CDH18: variants seen among roughly 807,000 people sequenced by gnomAD.
CDH18 encodes cadherin 18, also known as cadherin-18.
Under a neutral mutation model 67.9 loss-of-function variants are expected in CDH18, and 31 were observed. The ratio of observed to expected loss-of-function variants is 0.46; its 90% CI spans 0.34 to 0.62. The LOEUF is 0.62. CDH18 is among the 20% of genes least tolerant of loss of function. CDH18 has a pLI of 0.01. For synonymous variants in CDH18, 362 were observed against 347.2 expected, an observed-to-expected ratio of 1.04 and a Z score of -0.48; for missense variants, 890 against 975.5, an observed-to-expected ratio of 0.91 and a Z score of 1.17.
chr5:20,040,024 C>A (rs1349724066), intron 2 of CDH18, among the ~76,000 whole-genome samples: 2 of 151,924 alleles, frequency 1.3e-5, no homozygotes, highest in Non-Finnish European at 2.9e-5. Context: ...ACAAATCCAT[C>A]AAAAAGTGGG....
At chr5:20,569,160 C>T (rs1240502244) in intron 1 of CDH18, among the ~76,000 whole-genome samples, 1 of 152,134 alleles carries the variant, frequency 6.6e-6, no homozygotes, top group African/African-American at 2.4e-5. Context: ...ACATACCCAC[C>T]TTCATATAAT....
intron 1 of CDH18, among the ~76,000 whole-genome samples, chr5:20,569,491 A>C (rs990021699): frequency 6.6e-6 from 1 of 151,976 alleles, no homozygotes; most frequent in African/African-American, 2.4e-5. Context: ...GCGTGGTGTC[A>C]TCCCAGCTCC....
intron 5 of CDH18, among the ~76,000 whole-genome samples, chr5:19,701,546 T>G (rs1763248085): frequency 6.6e-6 from 1 of 152,134 alleles, no homozygotes; most frequent in South Asian, 2.1e-4. Flanking sequence ...TAGATCACAA[T>G]TATCTCCCAT....
At chr5:19,635,749 A>AGTTACAAACT (rs1350221852) in intron 5 of CDH18, among the ~76,000 whole-genome samples, 33 of 152,168 alleles carry the variant, frequency 2.2e-4, no homozygotes, top group African/African-American at 6.3e-4. Context: ...TACTTTCTTT[A>AGTTACAAACT]GTTACAAACT....
intron 4 of CDH18, among the ~76,000 whole-genome samples, chr5:19,741,672 T>C (rs1485812675): frequency 6.6e-6 from 1 of 152,158 alleles, no homozygotes; most frequent in Non-Finnish European, 1.5e-5. Context: ...TGAAAGTCTC[T>C]CTGGACAGGA....
At chr5:20,414,045 T>C (rs1747051778) in intron 1 of CDH18, among the ~76,000 whole-genome samples, 1 of 152,150 alleles carries the variant, frequency 6.6e-6, no homozygotes, top group African/African-American at 2.4e-5. Flanking sequence ...AAAAACAACA[T>C]ATGTTGGCAA....
At chr5:20,424,099 C>T (rs895139063) in intron 1 of CDH18, among the ~76,000 whole-genome samples, 1 of 149,716 alleles carries the variant, frequency 6.7e-6, no homozygotes, top group African/African-American at 2.5e-5. Flanking sequence ...AGACGATCAA[C>T]CCAGAAGGAC....
chr5:20,539,757 A>AC, intron 1 of CDH18, among the ~76,000 whole-genome samples: 1 of 51,338 alleles, frequency 1.9e-5, no homozygotes, highest in Non-Finnish European at 5.5e-5. Flanking sequence ...CACACACACA[A>AC]ACACACACAC....
At chr5:20,566,360 C>A (rs866861609) in intron 1 of CDH18, among the ~76,000 whole-genome samples, 1 of 119,268 alleles carries the variant, frequency 8.4e-6, no homozygotes, top group Admixed American at 8.7e-5. Flanking sequence ...TTTTCTTTTT[C>A]TTTTTTTTTT....
rs74637291 is a variant in CDH18, at chr5:20,377,562, T to C, written c.-579-122057A>G. On this transcript the variant is annotated intron_variant, in intron 1 of 14. Coordinates refer to the CDH18 transcript ENST00000507958. ...TTAAAACGTTAAATAAATGTCATCA[T>C]TGAAATATTTAATACAAATAGGAAC... Among the ~76,000 whole-genome samples, 823 of 152,300 alleles carry C rather than the reference T, an allele frequency of 5.4e-3. 9 individuals are homozygous for C. Among genetic ancestry groups the C allele is most frequent in the African/African-American group, 0.019 (775 of 41,578 alleles).
chr5:20,255,905 TTA>T (rs1449826100), intron 1 of CDH18, among the ~76,000 whole-genome samples: 2 of 134,170 alleles, frequency 1.5e-5, no homozygotes, highest in Admixed American at 7.9e-5. Flanking sequence ...TATTAAATGT[TTA>T]TGTTATTTTA....
intron 1 of CDH18, among the ~76,000 whole-genome samples, chr5:20,278,773 T>A (rs1342958777): frequency 6.6e-6 from 1 of 152,096 alleles, no homozygotes; most frequent in Non-Finnish European, 1.5e-5. Flanking sequence ...TTTTTGCCTA[T>A]TTGACAGTCT....
intron 2 of CDH18, among the ~76,000 whole-genome samples, chr5:20,001,886 C>T (rs988384496): frequency 3.6e-4 from 54 of 152,030 alleles, no homozygotes; most frequent in African/African-American, 1.7e-4. Context: ...AGGTTATTCC[C>T]GGAACTCTGC....
At chr5:20,201,683 A>G (rs905795379) in intron 2 of CDH18, among the ~76,000 whole-genome samples, 3 of 152,192 alleles carry the variant, frequency 2.0e-5, no homozygotes, top group Non-Finnish European at 2.9e-5. Context: ...TATTTATGCT[A>G]GAGAGAATAC....
intron 7 of CDH18, among the ~76,000 whole-genome samples, chr5:19,580,586 T>G (rs892879180): frequency 1.3e-5 from 2 of 151,922 alleles, no homozygotes; most frequent in African/African-American, 4.8e-5. Context: ...TTTAATATTA[T>G]TTTTGAAATA....
rs145082823 is a variant in CDH18 at position 19,821,944 on chromosome 5, C to T, written c.228+16815G>A. On this transcript the variant is annotated intron_variant, in intron 3 of 12. Coordinates refer to ENST00000382275, the MANE Select transcript of CDH18 (RefSeq NM_004934.5). ...ATTTCCTACCACTAGACCAGCCTTA[C>T]AAGAAATCCTGAAGAGAGTTCTAAA... Among the ~76,000 whole-genome samples the T allele has an allele frequency of 4.6e-5, 7 of 152,150 alleles. No individual in the cohort carries two copies. In the South Asian group the frequency reaches 8.3e-4, roughly 18 times the overall value.
At chr5:20,040,296 A>T (rs1279917049) in intron 2 of CDH18, among the ~76,000 whole-genome samples, 3 of 152,074 alleles carry the variant, frequency 2.0e-5, no homozygotes, top group African/African-American at 7.2e-5. Context: ...TTAATAATAA[A>T]AACATGGCAA....
intron 1 of CDH18, among the ~76,000 whole-genome samples, chr5:20,326,481 C>T (rs1187422102): frequency 6.6e-6 from 1 of 151,264 alleles, no homozygotes; most frequent in Non-Finnish European, 1.5e-5. Context: ...AAAAGTCTGA[C>T]TGAATCAAAT....
At chr5:19,901,983 T>C (rs1247944505) in intron 2 of CDH18, among the ~76,000 whole-genome samples, 1 of 152,126 alleles carries the variant, frequency 6.6e-6, no homozygotes, top group Non-Finnish European at 1.5e-5. Context: ...ACCATGCGTA[T>C]CATTACCTTA....
Sources: gnomAD v4.1 joint callset for allele counts (sites outside exome capture counted in the v4.1 genomes callset) on GRCh38, gnomAD v4.1.1 for gene constraint, MANE v1.5 for transcripts, NCBI Gene and HGNC (gene_info 2026-07-23, HGNC 2026-07-21) for gene names.